The following TMEM272 variants were observed in gnomAD, a reference collection of about 807,000 sequenced individuals.
TMEM272 encodes long intergenic non-protein coding RNA 282.
In TMEM272, 8 loss-of-function variants were observed where a neutral mutation model predicts 3.7. That is an observed-to-expected ratio of 2.17 (90% CI 1.27 to 3.91). The LOEUF (loss-of-function observed/expected upper bound fraction) is 3.91. Among genes scored for constraint, TMEM272 ranks in the 30% most tolerant of loss-of-function variants. TMEM272 has a pLI of 0.00. For synonymous variants in TMEM272, 63 were observed against 39.8 expected (o/e 1.58, Z -2.20); for missense variants, 166 against 91.5 (o/e 1.81, Z -3.32).
chr13:51,901,550 A>G, the TMEM272 span, among the ~76,000 whole-genome samples: 1 of 151,968 alleles, frequency 6.6e-6, no homozygotes, highest in Non-Finnish European at 1.5e-5. Context: ...AAAAACACAG[A>G]AATACATCAG....
chr13:51,863,524 G>A, the TMEM272 span, among the ~76,000 whole-genome samples: 1 of 152,090 alleles, frequency 6.6e-6, no homozygotes, highest in African/African-American at 2.4e-5. Context: ...TCGGCTAGGA[G>A]GGCTTGATGG....
the TMEM272 span, among the ~76,000 whole-genome samples, chr13:51,869,498 T>TTC: frequency 6.6e-6 from 1 of 151,596 alleles, no homozygotes; most frequent in Non-Finnish European, 1.5e-5. Flanking sequence ...GTAATTTTTT[T>TTC]TTTTTTTTTG....
chr13:51,886,457 T>A, the TMEM272 span, among the ~76,000 whole-genome samples: 2 of 152,134 alleles, frequency 1.3e-5, no homozygotes, highest in Admixed American at 1.3e-4. Context: ...ATGAGAAAAG[T>A]AAGACACAGA....
the TMEM272 span, among the ~76,000 whole-genome samples, chr13:51,901,406 C>T: frequency 2.0e-5 from 3 of 152,154 alleles, no homozygotes; most frequent in Admixed American, 1.3e-4. Context: ...AGAGGGGTGG[C>T]GCCCGGTGGA....
At chr13:51,933,407 G>C in the TMEM272 span, 1 of 152,202 alleles carries the variant, frequency 6.6e-6, no homozygotes, top group African/African-American at 2.4e-5. Flanking sequence ...ACTGCCCCTG[G>C]CAAGTAATGG....
the TMEM272 span, chr13:51,909,019 G>A: frequency 6.8e-7 from 1 of 1,470,746 alleles, no homozygotes; most frequent in Non-Finnish European, 9.5e-7. Flanking sequence ...AACAAAGTCG[G>A]AAGATAGAGA....
the TMEM272 span, among the ~76,000 whole-genome samples, chr13:51,917,716 C>T: frequency 6.6e-6 from 1 of 152,196 alleles, no homozygotes; most frequent in Non-Finnish European, 1.5e-5. Context: ...TCTGAGTTCA[C>T]GTTTCTGAGC....
At chr13:51,911,236 G>T in the TMEM272 span, among the ~76,000 whole-genome samples, 1 of 152,170 alleles carries the variant, frequency 6.6e-6, no homozygotes, top group South Asian at 2.1e-4. Flanking sequence ...TTACGTCATT[G>T]AAGAGAGATT....
rs1161358641 is a variant in TMEM272 at position 51,814,260 on chromosome 13, T to C, written c.*2491A>G. On this transcript the variant is annotated 3_prime_UTR_variant, in exon 5 of 5. Transcript: ENST00000629372. ...GAACCACAGTTATAGACCATTTGCCTTACTTAGCCCCAGAGCCTCTTTCTT... is the reference window on the plus strand; with the variant it reads ...GAACCACAGTTATAGACCATTTGCCCTACTTAGCCCCAGAGCCTCTTTCTT... 1 of 152,252 alleles carries C rather than the reference T, an allele frequency of 6.6e-6. No individual in the cohort carries two copies. The allele number at this position is 152,252 out of a possible 1,614,324, so 9.4% of individuals were successfully genotyped here.
rs556468198 is a variant in TMEM272, at chr13:51,822,238, T to C, written c.119-101A>G. 6.5e-6 allele frequency: 4 copies of C among 619,284 alleles called. No individual in the cohort carries two copies. In the South Asian group the frequency reaches 7.6e-5, roughly 12 times the overall value. The allele number at this position is 619,284 out of a possible 1,614,324, so 38.4% of individuals were successfully genotyped here. ...ACACCTTCAAAAGCCAAAATGTTAA[T>C]CATGCAAACCATATGCTTGTGGGAT... On this transcript the variant is annotated intron_variant, in intron 3 of 4. Transcript: ENST00000629372.
chr13:51,835,053 A>G (rs1309233181), intron 2 of TMEM272, among the ~76,000 whole-genome samples: 1 of 152,070 alleles, frequency 6.6e-6, no homozygotes, highest in African/African-American at 2.4e-5. Context: ...GGGATCTGAG[A>G]GCACGGAGAC....
At chr13:51,823,182 G>T (rs1381892201) in intron 3 of TMEM272, among the ~76,000 whole-genome samples, 1 of 152,198 alleles carries the variant, frequency 6.6e-6, no homozygotes, top group African/African-American at 2.4e-5. Context: ...AGGCTCAAGC[G>T]ATTCTCCCAC....
At chr13:51,844,796 T>G (rs1333041932) in intron 1 of TMEM272, among the ~76,000 whole-genome samples, 1 of 152,204 alleles carries the variant, frequency 6.6e-6, no homozygotes, top group East Asian at 1.9e-4. Flanking sequence ...ATTATTCCTT[T>G]ACGATTGTTC....
the TMEM272 span, chr13:51,910,466 A>C: frequency 2.5e-6 from 2 of 809,720 alleles, no homozygotes; most frequent in African/African-American, 3.4e-5. Context: ...GAACAGCAAC[A>C]AATCCAAGGA....
chr13:51,873,597 T>A, the TMEM272 span, among the ~76,000 whole-genome samples: 1 of 152,216 alleles, frequency 6.6e-6, no homozygotes, highest in Admixed American at 6.5e-5. Context: ...ACAGAACGTC[T>A]CTCACTTCCC....
At chr13:51,834,094 G>C (rs1956195406) in intron 2 of TMEM272, among the ~76,000 whole-genome samples, 1 of 152,206 alleles carries the variant, frequency 6.6e-6, no homozygotes, top group South Asian at 2.1e-4. Context: ...GTGCTGACCT[G>C]ATAGCAAGGA....
chr13:51,903,942 C>CATGTGTGTGTGT, the TMEM272 span, among the ~76,000 whole-genome samples: 22 of 136,660 alleles, frequency 1.6e-4, no homozygotes, highest in Non-Finnish European at 2.4e-4. Context: ...CAGTCTTCCA[C>CATGTGTGTGTGT]GTGTGTGTGT....
At chr13:51,925,592 A>G in the TMEM272 span, among the ~76,000 whole-genome samples, 1 of 152,154 alleles carries the variant, frequency 6.6e-6, no homozygotes, top group African/African-American at 2.4e-5. Flanking sequence ...CCTCAGTTCC[A>G]GTAGTTACAG....
chr13:51,891,119 A>AGCCCAC, the TMEM272 span, among the ~76,000 whole-genome samples: 2 of 152,132 alleles, frequency 1.3e-5, no homozygotes, highest in South Asian at 4.1e-4. Flanking sequence ...GCCCACACGG[A>AGCCCAC]ATGTGCTGGC....
Sources: allele counts gnomAD v4.1 joint callset (sites outside exome capture counted in the v4.1 genomes callset), GRCh38; gene constraint gnomAD v4.1.1; transcripts MANE v1.5; gene names NCBI Gene and HGNC (gene_info 2026-07-23, HGNC 2026-07-21).